The following C7orf57 variants were observed in gnomAD, a reference collection of about 807,000 sequenced individuals.
C7orf57 encodes the protein chromosome 7 open reading frame 57.
In C7orf57, 33 loss-of-function variants were observed where a neutral mutation model predicts 39.0. The ratio of observed to expected loss-of-function variants is 0.85; its 90% CI spans 0.64 to 1.13. The LOEUF (loss-of-function observed/expected upper bound fraction) is 1.13, where lower values mean the gene tolerates loss of function less well. Among genes scored for constraint, C7orf57 ranks in the 50% most tolerant of loss-of-function variants. The pLI is 0.00. For missense variants in C7orf57, 346 were observed against 362.3 expected, an observed-to-expected ratio of 0.95 and a Z score of 0.37; for synonymous variants, 124 against 137.1, an observed-to-expected ratio of 0.90 and a Z score of 0.67.
At chr7:48,043,728 C>G (rs34618439) in intron 4 of C7orf57, 139 bp downstream of exon 4, 20,735 of 736,408 alleles carry the variant, frequency 0.028, 421 homozygotes, top group Middle Eastern at 0.055. Flanking sequence ...TTACAATAGC[C>G]TGCTCTTTGA....
rs150041609 is a variant in C7orf57 at position 48,046,640 on chromosome 7, G to C, written c.507+24G>C. ...AGGTGACGGGAGCCCATAAATAGAC[G>C]GCATCCGCATCCGCTTTGCTTCTGT... On this transcript the variant is annotated intron_variant, in intron 5 of 8. Transcript: ENST00000348904. The C allele has an allele frequency of 7.5e-6, 12 of 1,601,956 alleles. No homozygotes were observed. In the African/African-American group the frequency reaches 9.4e-5, roughly 13 times the overall value.
chr7:48,052,494 G>C (rs1790984672), intron 6 of C7orf57, among the ~76,000 whole-genome samples: 1 of 152,086 alleles, frequency 6.6e-6, no homozygotes, highest in Non-Finnish European at 1.5e-5. Flanking sequence ...CTTAAAAATG[G>C]AGACAGTGAG....
chr7:48,048,734 A>G (rs1478207595), intron 5 of C7orf57, among the ~76,000 whole-genome samples: 1 of 151,838 alleles, frequency 6.6e-6, no homozygotes, highest in Admixed American at 6.6e-5. Flanking sequence ...ACCCCTCTTT[A>G]TAGTCAGCCT....
At position 48,043,553 on chromosome 7, in the gene C7orf57, T is replaced by C. The variant is rs1377592494; in HGVS notation, c.314T>C (p.Ile105Thr). 1.2e-6 allele frequency: 2 copies of C among 1,613,780 alleles called. No individual in the cohort carries two copies. The highest frequency in any genetic ancestry group is 3.3e-5 in the Admixed American group (2 of 59,996). ...GCCTACTCCCTGCCAGACTGGTATA[T>C]CCACCACAGCAAGCCACCGACAGCC... The part of the protein sequence containing the change: ...PVAYSLPDWY[I>T]HHSKPPTASQ... Residue 105 changes from isoleucine to threonine, a missense_variant, in exon 4 of 9, where the codon ATC becomes ACC. Physicochemically the swap from Ile to Thr is moderately conservative, Grantham distance 89. Transcript: ENST00000348904.
intron 4 of C7orf57, among the ~76,000 whole-genome samples, chr7:48,044,089 G>T (rs1391766153): frequency 6.6e-6 from 1 of 152,166 alleles, no homozygotes; most frequent in African/African-American, 2.4e-5. Context: ...CCATTAGGAC[G>T]AACCCGGGCA....
At chr7:48,060,146 T>A in intron 8 of C7orf57, 80 bp from the exon 9 acceptor site, 1 of 956,148 alleles carries the variant, frequency 1.0e-6, no homozygotes, top group South Asian at 1.7e-5. Context: ...ACTATGTGTT[T>A]TCTTATATTT....
intron 5 of C7orf57, among the ~76,000 whole-genome samples, chr7:48,048,640 C>T (rs191190364): frequency 8.6e-5 from 13 of 151,948 alleles, no homozygotes; most frequent in Non-Finnish European, 1.3e-4. Context: ...GAGAACTGCT[C>T]CCCAGGTTTT....
intron 3 of C7orf57, among the ~76,000 whole-genome samples, chr7:48,042,451 G>T (rs1162694332): frequency 6.6e-6 from 1 of 152,144 alleles, no homozygotes; most frequent in Non-Finnish European, 1.5e-5. Context: ...CATCTGCTGA[G>T]GTATAGGGGG....
chr7:48,045,629 C>T (rs1414176247), intron 4 of C7orf57, among the ~76,000 whole-genome samples: 1 of 152,140 alleles, frequency 6.6e-6, no homozygotes, highest in Admixed American at 6.5e-5. Flanking sequence ...ATCCTGGAGC[C>T]CTGAACAAGT....
At position 48,046,412 on chromosome 7, in the gene C7orf57, T is replaced by A. The variant is rs745661262; in HGVS notation, c.351-48T>A. ...ATGGAGATGGAAGGAAGGGAGGGAG[T>A]GGAAATGGCTCTGAGCACCAGGCTG... On this transcript the variant is annotated intron_variant, in intron 4 of 8. Transcript: ENST00000348904. 2.0e-5 allele frequency: 31 copies of A among 1,535,062 alleles called. 1 individual carries two copies. Among genetic ancestry groups the A allele is most frequent in the Middle Eastern group, 3.5e-4 (2 of 5,690 alleles).
chr7:48,052,628 T>A (rs1042805964), intron 6 of C7orf57, 72 bp from the exon 7 acceptor site: 2 of 1,320,594 alleles, frequency 1.5e-6, no homozygotes, highest in Non-Finnish European at 2.2e-6. Flanking sequence ...TTTGGTGTGT[T>A]CACGGAATAC....
intron 2 of C7orf57, among the ~76,000 whole-genome samples, chr7:48,040,927 G>A (rs1222301623): frequency 2.6e-5 from 4 of 152,194 alleles, no homozygotes; most frequent in Admixed American, 6.5e-5. Context: ...TACCCATAAC[G>A]TTTTAAGTGA....
At chr7:48,049,734 AATTAT>A in intron 5 of C7orf57, 141 bp from the exon 6 acceptor site, 1 of 608,498 alleles carries the variant, frequency 1.6e-6, no homozygotes, top group East Asian at 2.8e-5. Context: ...ATTATTGCTG[AATTAT>A]ATTTTATTGT....
chr7:48,060,588 T>C lies in C7orf57; in HGVS notation c.*316T>C. On this transcript the variant is annotated 3_prime_UTR_variant, in exon 9 of 9. Coordinates refer to ENST00000348904, the MANE Select transcript of C7orf57 (RefSeq NM_001100159.3). ...CTCCTCCTATTGTGTGAACCACTCT[T>C]AGCAGGCATTGCTACTGGATTCTTA... The C allele has an allele frequency of 5.0e-6, 1 of 199,716 alleles. No individual in the cohort carries two copies. Among genetic ancestry groups the C allele is most frequent in the Non-Finnish European group, 1.0e-5 (1 of 99,280 alleles). The allele number at this position is 199,716 out of a possible 1,614,324, so 12.4% of individuals were successfully genotyped here.
At chr7:48,060,088 T>G (rs1196579527) in intron 8 of C7orf57, 138 bp from the exon 9 acceptor site, 2 of 520,582 alleles carry the variant, frequency 3.8e-6, no homozygotes, top group Non-Finnish European at 6.7e-6. Flanking sequence ...GATCATAAGC[T>G]CAATTTTTAT....
chr7:48,039,608 T>C (rs920331194), intron 2 of C7orf57, among the ~76,000 whole-genome samples: 1 of 152,234 alleles, frequency 6.6e-6, no homozygotes, highest in Non-Finnish European at 1.5e-5. Context: ...CCGTTTTTAA[T>C]GTTATTTTCA....
At chr7:48,055,615 C>T (rs539394846) in intron 8 of C7orf57, among the ~76,000 whole-genome samples, 15 of 152,142 alleles carry the variant, frequency 9.9e-5, no homozygotes, top group Non-Finnish European at 2.1e-4. Flanking sequence ...CTCCTCTTAC[C>T]CCATCAACTA....
At chr7:48,057,332 G>A (rs914541242) in intron 8 of C7orf57, among the ~76,000 whole-genome samples, 2 of 151,984 alleles carry the variant, frequency 1.3e-5, no homozygotes, top group Admixed American at 6.6e-5. Flanking sequence ...TCAGTGTACA[G>A]GTCTTTCACC....
At chr7:48,036,453 G>C (rs567714347) in intron 2 of C7orf57, 90 bp downstream of exon 2, 516 of 1,239,316 alleles carry the variant, frequency 4.2e-4, no homozygotes, top group Non-Finnish European at 5.2e-4. Flanking sequence ...CGTCCTCTAT[G>C]TGGGCTGGAG....
Sources: allele counts gnomAD v4.1 joint callset (sites outside exome capture counted in the v4.1 genomes callset), GRCh38; gene constraint gnomAD v4.1.1; transcripts MANE v1.5; gene names NCBI Gene and HGNC (gene_info 2026-07-23, HGNC 2026-07-21).